Variants in RRP12 observed in about 807,000 individuals in gnomAD.
The protein encoded by RRP12 is RRP12-like protein.
Under a neutral mutation model 157.3 loss-of-function variants are expected in RRP12, and 78 were observed. That is an observed-to-expected ratio of 0.50 (90% CI 0.41 to 0.60). The LOEUF (loss-of-function observed/expected upper bound fraction) is 0.60, where lower values mean the gene tolerates loss of function less well. RRP12 is among the 20% of genes least tolerant of loss of function. The pLI is 0.00. For missense variants in RRP12, 1,521 were observed against 1,679.9 expected (o/e 0.91, Z 1.65); for synonymous variants, 726 against 670.9 (o/e 1.08, Z -1.27).
At chr10:97,358,126 A>G (rs61863814) in intron 33 of RRP12, among the ~76,000 whole-genome samples, 2,294 of 152,146 alleles carry the variant, frequency 0.015, 27 homozygotes, top group Non-Finnish European at 0.025. Context: ...TGAGGTCAAG[A>G]GATCGAGACC....
In RRP12 at chr10:97,378,765, G is replaced by A. The variant is rs180859505; in HGVS notation, c.1798+528C>T. Among the ~76,000 whole-genome samples the A allele has an allele frequency of 2.5e-3, 380 of 152,260 alleles. 2 individuals carry two copies. The Middle Eastern group carries it at 0.065, about 26-fold the overall frequency. On this transcript the variant is annotated intron_variant, in intron 15 of 33. Coordinates refer to ENST00000370992, the MANE Select transcript of RRP12 (RefSeq NM_015179.4). ...CCAGCTACTCGGGAGGCTGAGGCAG[G>A]AGAATCACTTGAACCCGGAAGGCGG...
intron 3 of RRP12, among the ~76,000 whole-genome samples, chr10:97,395,577 C>T (rs1470475323): frequency 6.9e-6 from 1 of 145,410 alleles, no homozygotes; most frequent in Admixed American, 6.9e-5. Context: ...TAGACCAGGC[C>T]TGGTGGCTCA....
At position 97,385,243 on chromosome 10, in the gene RRP12, A is replaced by G. The variant is rs753164823; in HGVS notation, c.1131T>C (p.Tyr377=). ...NAQIITALYD[Y]VPSENDLQPL... The stretch of plus-strand genomic sequence containing the variant: ...GTTGTAAATCATTCTCACTGGGAAC[A>G]TAGTCGTACAGGGCCTAAAAGTGGG... The change falls in exon 10 of 34, where the codon TAT becomes TAC. Residue 377 remains tyrosine (Y), a synonymous_variant. Transcript: ENST00000370992. 1 of 1,613,926 alleles carries G rather than the reference A, an allele frequency of 6.2e-7. No individual in the cohort carries two copies.
At chr10:97,393,904 G>T in intron 3 of RRP12, 144 bp from the exon 4 acceptor site, 1 of 635,464 alleles carries the variant, frequency 1.6e-6, no homozygotes, top group Non-Finnish European at 2.7e-6. Context: ...CTGGCATTGT[G>T]TGGTTTTGGG....
At chr10:97,360,749 T>C (rs760108975) in intron 30 of RRP12, 131 bp from the exon 31 acceptor site, 14 of 711,304 alleles carry the variant, frequency 2.0e-5, no homozygotes, top group Non-Finnish European at 2.8e-5. Flanking sequence ...ACCTCTCACT[T>C]ACAGATGGGG....
Position 97,359,095 on chromosome 10 carries a change from C to T in RRP12, c.3641-85G>A, listed in dbSNP as rs1843781813. The T allele has an allele frequency of 4.9e-6, 5 of 1,018,846 alleles. No homozygotes were observed. The Admixed American group carries it at 8.4e-5, about 17-fold the overall frequency. The allele number at this position is 1,018,846 out of a possible 1,614,324, so 63.1% of individuals were successfully genotyped here. On this transcript the variant is annotated intron_variant, in intron 31 of 33. Transcript: ENST00000370992. ...GCAATGGGCACCCTCTCTGAGAGAG[C>T]TGCAAGGGAGCAGATGAGTGAAGGC...
chr10:97,365,054 C>T (rs1475773), intron 29 of RRP12, among the ~76,000 whole-genome samples: 11 of 152,122 alleles, frequency 7.2e-5, no homozygotes, highest in African/African-American at 2.4e-4. Flanking sequence ...CATTCCAACC[C>T]GGAAAAGTGG....
chr10:97,366,092 A>G lies in RRP12; in HGVS notation c.3517+16T>C, dbSNP rs781083022. On this transcript the variant is annotated intron_variant, in intron 29 of 33. Transcript: ENST00000370992. ...AGTGAACACGGTGAATGAATGGACA[A>G]GCGCGTTGGGCCCACCTTTGGCACC... 7.5e-6 allele frequency: 12 copies of G among 1,600,590 alleles called. No homozygotes were observed. Among genetic ancestry groups the G allele is most frequent in the Non-Finnish European group, 8.5e-6 (10 of 1,179,864 alleles).
rs140484605 is a variant in RRP12, at chr10:97,362,236, G to A, written c.3567+1618C>T. Among the ~76,000 whole-genome samples the A allele has an allele frequency of 2.8e-3, 427 of 152,256 alleles. 3 individuals are homozygous for A. The highest frequency in any genetic ancestry group is 9.6e-3 in the African/African-American group (400 of 41,552). ...CTCAGTGCCTGGAGACAAGGCATCT[G>A]CTCAGTCCCGCTCTGCCCGGGGCAG... On this transcript the variant is annotated intron_variant, in intron 30 of 33. Coordinates refer to ENST00000370992, the MANE Select transcript of RRP12 (RefSeq NM_015179.4).
intron 17 of RRP12, 23 bp from the exon 18 acceptor site, chr10:97,373,223 C>T: frequency 6.2e-7 from 1 of 1,611,416 alleles, no homozygotes; most frequent in Non-Finnish European, 8.5e-7. Context: ...TCAAAGTTTG[C>T]ACTAAAGGCA....
At chr10:97,377,318 A>G (rs1027187960) in intron 15 of RRP12, among the ~76,000 whole-genome samples, 2 of 148,238 alleles carry the variant, frequency 1.3e-5, no homozygotes, top group African/African-American at 2.5e-5. Flanking sequence ...GGTGTTTGAG[A>G]CCAGCCTGGC....
intron 32 of RRP12, 21 bp downstream of exon 32, chr10:97,358,922 T>G (rs1282140040): frequency 6.2e-7 from 1 of 1,604,732 alleles, no homozygotes. Flanking sequence ...GGAGACCCCA[T>G]GCCCTACATG....
chr10:97,389,384 C>T (rs1246945942), intron 6 of RRP12, among the ~76,000 whole-genome samples: 2 of 152,010 alleles, frequency 1.3e-5, no homozygotes, highest in African/African-American at 2.4e-5. Flanking sequence ...TGAGCCACCG[C>T]GCCCAGCCAA....
intron 29 of RRP12, 88 bp from the exon 30 acceptor site, chr10:97,363,991 T>G: frequency 8.3e-7 from 1 of 1,202,560 alleles, no homozygotes; most frequent in Non-Finnish European, 1.2e-6. Context: ...CTCACCAGGC[T>G]GCGGGGCCAC....
chr10:97,364,681 C>T (rs1843926905), intron 29 of RRP12, among the ~76,000 whole-genome samples: 1 of 152,238 alleles, frequency 6.6e-6, no homozygotes, highest in South Asian at 2.1e-4. Flanking sequence ...CGAGCCACTG[C>T]ACTCCAGCCT....
chr10:97,363,975 T>C (rs1843909034), intron 29 of RRP12, 72 bp from the exon 30 acceptor site: 1 of 1,422,172 alleles, frequency 7.0e-7, no homozygotes, highest in African/African-American at 1.4e-5. Flanking sequence ...TTCTGCCCCC[T>C]CCTGGCTCAC....
intron 19 of RRP12, among the ~76,000 whole-genome samples, chr10:97,372,453 G>C (rs1204466737): frequency 6.6e-6 from 1 of 152,204 alleles, no homozygotes; most frequent in Non-Finnish European, 1.5e-5. Context: ...CTTAGAGGCA[G>C]AATGGATAAG....
intron 3 of RRP12, among the ~76,000 whole-genome samples, chr10:97,395,845 C>T (rs1301837287): frequency 1.6e-5 from 2 of 127,002 alleles, no homozygotes; most frequent in Non-Finnish European, 3.3e-5. Context: ...TGTGAGACTC[C>T]GCCTCAAAAA....
At chr10:97,384,125 G>T (rs113780796) in intron 10 of RRP12, among the ~76,000 whole-genome samples, 7 of 144,868 alleles carry the variant, frequency 4.8e-5, no homozygotes, top group African/African-American at 1.4e-4. Flanking sequence ...TCAGCAGCCA[G>T]GACGGAGGCC....
Sources: allele counts gnomAD v4.1 joint callset (sites outside exome capture counted in the v4.1 genomes callset), GRCh38; gene constraint gnomAD v4.1.1; transcripts MANE v1.5; gene names NCBI Gene and HGNC (gene_info 2026-07-23, HGNC 2026-07-21).